Variants in DOCK2 observed in about 807,000 individuals in gnomAD.
The protein encoded by DOCK2 is dedicator of cytokinesis protein 2.
Under a neutral mutation model 248.9 loss-of-function variants are expected in DOCK2, and 87 were observed. That is an observed-to-expected ratio of 0.35 (90% confidence interval 0.29 to 0.42). DOCK2 has a LOEUF of 0.42. Among genes scored for constraint, DOCK2 ranks in the 10% least tolerant of loss-of-function variants. DOCK2 has a pLI of 1.00. For missense variants in DOCK2, 1,747 were observed against 2,300.2 expected (o/e 0.76, Z 4.92); for synonymous variants, 805 against 821.6 (o/e 0.98, Z 0.35).
intron 25 of DOCK2, among the ~76,000 whole-genome samples, chr5:169,782,091 T>C (rs542882095): frequency 6.6e-6 from 1 of 152,268 alleles, no homozygotes; most frequent in African/African-American, 2.4e-5. Context: ...AGAAATTAAG[T>C]AGGTCCCAGT....
chr5:170,050,592 A>T lies in DOCK2; in HGVS notation c.4213+195A>T, dbSNP rs565564691. Among the ~76,000 whole-genome samples, 19 of 152,320 alleles carry T rather than the reference A, an allele frequency of 1.2e-4. 1 individual carries two copies. Among genetic ancestry groups the T allele is most frequent in the African/African-American group, 4.6e-4 (19 of 41,574 alleles). ...TTTCTGGACTCTTCATGATCCTGGC[A>T]TCTTGAGCTCTGTTTGCTTTGGAAA... is the stretch of plus-strand genomic sequence containing the variant. On this transcript the variant is annotated intron_variant, in intron 41 of 51. Transcript: ENST00000520908.
intron 27 of DOCK2, among the ~76,000 whole-genome samples, chr5:169,868,670 A>G (rs1222220748): frequency 6.6e-6 from 1 of 152,128 alleles, no homozygotes; most frequent in Non-Finnish European, 1.5e-5. Flanking sequence ...AGGTGAGAGG[A>G]TCACTTCAGC....
At chr5:169,684,841 G>T (rs1054666404) in intron 8 of DOCK2, among the ~76,000 whole-genome samples, 1 of 152,160 alleles carries the variant, frequency 6.6e-6, no homozygotes, top group Non-Finnish European at 1.5e-5. Flanking sequence ...TAGAGGCAGG[G>T]TCTTGCTGCA....
intron 50 of DOCK2, chr5:170,081,106 G>C (rs534505440): frequency 6.6e-6 from 1 of 152,564 alleles, no homozygotes; most frequent in African/African-American, 2.4e-5. Flanking sequence ...TTGTATGGAT[G>C]AGGAAACTGG....
At chr5:169,914,282 A>G (rs1012656247) in intron 27 of DOCK2, among the ~76,000 whole-genome samples, 1 of 152,146 alleles carries the variant, frequency 6.6e-6, no homozygotes, top group African/African-American at 2.4e-5. Flanking sequence ...ACCTTACCCC[A>G]TTCTTTCTGA....
At chr5:170,032,704 G>C (rs1285765837) in intron 34 of DOCK2, among the ~76,000 whole-genome samples, 2 of 152,226 alleles carry the variant, frequency 1.3e-5, no homozygotes, top group African/African-American at 4.8e-5. Context: ...CTCCCATTGA[G>C]AGCCAGGGAA....
At position 169,637,312 on chromosome 5, in the gene DOCK2, G is replaced by C. The variant is rs1208191332; in HGVS notation, c.-15G>C. On this transcript the variant is annotated 5_prime_UTR_variant, in exon 1 of 52. Coordinates refer to ENST00000520908, the MANE Select transcript of DOCK2 (RefSeq NM_004946.3). ...ACGGCTTCCCCACGGGAGGACGCGA[G>C]GCCCCGGCCCAGCCATGGCCCCCTG... The C allele has an allele frequency of 1.4e-6, 2 of 1,426,218 alleles. No homozygotes were observed. 88.3% of individuals were successfully genotyped at this position (1,426,218 alleles called of 1,614,324 possible).
chr5:169,736,127 T>G (rs155339), intron 22 of DOCK2, among the ~76,000 whole-genome samples: 48,859 of 152,154 alleles, frequency 0.32, 11,668 homozygotes, highest in African/African-American at 0.66. Context: ...CCCAACATTG[T>G]AAATTACAAT....
At chr5:169,769,041 C>T (rs113506568) in intron 25 of DOCK2, among the ~76,000 whole-genome samples, 98 of 152,272 alleles carry the variant, frequency 6.4e-4, no homozygotes, top group Non-Finnish European at 1.2e-3. Flanking sequence ...ACAATTGTGA[C>T]GAGTTTGCAA....
intron 27 of DOCK2, among the ~76,000 whole-genome samples, chr5:169,904,494 A>G (rs1581392085): frequency 6.6e-6 from 1 of 152,202 alleles, no homozygotes; most frequent in East Asian, 1.9e-4. Flanking sequence ...AAGGGTGCAG[A>G]CAGGCAGGGG....
intron 27 of DOCK2, among the ~76,000 whole-genome samples, chr5:169,979,247 G>C (rs1777852237): frequency 6.6e-6 from 1 of 152,218 alleles, no homozygotes; most frequent in Non-Finnish European, 1.5e-5. Context: ...AACAACGTCA[G>C]TGTTAGGGCT....
intron 34 of DOCK2, among the ~76,000 whole-genome samples, chr5:170,030,156 C>T (rs1164989331): frequency 2.0e-5 from 3 of 152,144 alleles, no homozygotes; most frequent in South Asian, 2.1e-4. Flanking sequence ...TTTTTATAAG[C>T]GGATGGGGCT....
At chr5:169,890,150 G>A (rs1309907461) in intron 27 of DOCK2, among the ~76,000 whole-genome samples, 1 of 152,212 alleles carries the variant, frequency 6.6e-6, no homozygotes, top group African/African-American at 2.4e-5. Flanking sequence ...CAGCCTCGGG[G>A]CTCTGGTGGA....
intron 25 of DOCK2, among the ~76,000 whole-genome samples, chr5:169,765,397 T>G (rs1764722250): frequency 6.6e-6 from 1 of 152,174 alleles, no homozygotes; most frequent in African/African-American, 2.4e-5. Context: ...CTGAGAAACT[T>G]ACAAACACTA....
chr5:170,000,948 CA>C (rs1453085859), intron 30 of DOCK2, among the ~76,000 whole-genome samples: 2 of 152,160 alleles, frequency 1.3e-5, no homozygotes, highest in Admixed American at 1.3e-4. Flanking sequence ...GAGACACATA[CA>C]GAGGGAGCAG....
At chr5:170,046,010 G>A in intron 39 of DOCK2, 105 bp downstream of exon 39, 2 of 1,058,368 alleles carry the variant, frequency 1.9e-6, no homozygotes, top group Non-Finnish European at 2.9e-6. Flanking sequence ...GGCGGGGTTA[G>A]GGAAATAGAA....
intron 35 of DOCK2, among the ~76,000 whole-genome samples, chr5:170,035,356 C>G (rs540823357): frequency 5.8e-4 from 89 of 152,338 alleles, no homozygotes; most frequent in African/African-American, 2.0e-3. Flanking sequence ...AAACCTGTCC[C>G]CAGAGCTCTG....
rs79365657 is a variant in DOCK2, at chr5:169,975,134, A to G, written c.2800-7934A>G. Among the ~76,000 whole-genome samples the G allele has an allele frequency of 4.1e-3, 629 of 152,350 alleles. 2 individuals are homozygous for G. Among genetic ancestry groups the G allele is most frequent in the African/African-American group, 0.014 (578 of 41,590 alleles). On this transcript the variant is annotated intron_variant, in intron 27 of 51. Transcript: ENST00000520908. ...TGCTGAAGGAGGGCCAGATTCTGCTAGAAAATAATCATTTAGCAAGAAATG... is the reference window on the plus strand; with the variant it reads ...TGCTGAAGGAGGGCCAGATTCTGCTGGAAAATAATCATTTAGCAAGAAATG...
intron 32 of DOCK2, among the ~76,000 whole-genome samples, chr5:170,017,169 C>T (rs890342176): frequency 6.6e-6 from 1 of 152,074 alleles, no homozygotes; most frequent in African/African-American, 2.4e-5. Flanking sequence ...TACTGCTTTC[C>T]CTCTCAGCTC....
Sources: allele counts gnomAD v4.1 joint callset (sites outside exome capture counted in the v4.1 genomes callset), GRCh38; gene constraint gnomAD v4.1.1; transcripts MANE v1.5; gene names NCBI Gene and HGNC (gene_info 2026-07-23, HGNC 2026-07-21).